UBAP1: variants seen among roughly 807,000 people sequenced by gnomAD.
UBAP1 encodes ubiquitin-associated protein 1.
Under a neutral mutation model 39.0 loss-of-function variants are expected in UBAP1, and 5 were observed. That is an observed-to-expected ratio of 0.13 (90% CI 0.07 to 0.27). The LOEUF (loss-of-function observed/expected upper bound fraction) is 0.27. Ranked by LOEUF, UBAP1 falls within the 10% of genes least tolerant of loss-of-function variation. The probability of loss-of-function intolerance (pLI) is 1.00; values close to 1 mark genes in which losing one functional copy is unlikely to be tolerated. For synonymous variants in UBAP1, 211 were observed against 225.1 expected, an observed-to-expected ratio of 0.94 and a Z score of 0.56; for missense variants, 490 against 608.1, an observed-to-expected ratio of 0.81 and a Z score of 2.04.
In UBAP1 at chr9:34,207,477, C is replaced by G. The variant is rs1423200174; in HGVS notation, c.-7-13431C>G. 2.7e-5 allele frequency among the ~76,000 whole-genome samples: 4 copies of G among 150,356 alleles called. No individual in the cohort carries two copies. In the East Asian group the frequency reaches 7.8e-4, roughly 29 times the overall value. ...ATTTGTATAGCAACTTAGAATTGAT[C>G]TTAATAATGTTGAATATCCCGCTCA... On this transcript the variant is annotated intron_variant, in intron 1 of 6. Coordinates refer to ENST00000297661, the MANE Select transcript of UBAP1 (RefSeq NM_016525.5).
intron 1 of UBAP1, among the ~76,000 whole-genome samples, chr9:34,193,188 G>A (rs1830830548): frequency 6.6e-6 from 1 of 152,044 alleles, no homozygotes; most frequent in Non-Finnish European, 1.5e-5. Flanking sequence ...TATGCACCTA[G>A]AATCCCAGTT....
chr9:34,251,823 T>TC lies in UBAP1; in HGVS notation c.*292dup. The TC allele has an allele frequency of 3.4e-6, 1 of 293,930 alleles. No individual in the cohort carries two copies. Among genetic ancestry groups the TC allele is most frequent in the Non-Finnish European group, 6.5e-6 (1 of 154,242 alleles). The allele number at this position is 293,930 out of a possible 1,614,324, so 18.2% of individuals were successfully genotyped here. A position where few individuals can be genotyped will look rare whatever the true frequency, so the allele number is the denominator to read the frequency against. On this transcript the variant is annotated 3_prime_UTR_variant, in exon 7 of 7. Coordinates refer to ENST00000297661, the MANE Select transcript of UBAP1 (RefSeq NM_016525.5). ...CAGCCCTCCGGAGAGACTACCCTAG[T>TC]CTTTCTGGGGTGTTTATGTCCTCAG...
intron 2 of UBAP1, among the ~76,000 whole-genome samples, chr9:34,221,527 TAA>T (rs34279455): frequency 2.5e-3 from 330 of 131,282 alleles, no homozygotes; most frequent in Non-Finnish European, 3.0e-3. Flanking sequence ...GAGACTCCAT[TAA>T]AAAAAAAAAA....
chr9:34,228,631 G>A (rs1006025299), intron 2 of UBAP1, among the ~76,000 whole-genome samples: 3 of 145,624 alleles, frequency 2.1e-5, no homozygotes, highest in Non-Finnish European at 3.0e-5. Context: ...GTTCAGTGGC[G>A]TGATTTTCGC....
intron 3 of UBAP1, among the ~76,000 whole-genome samples, chr9:34,239,555 G>A (rs1833861741): frequency 6.6e-6 from 1 of 152,216 alleles, no homozygotes; most frequent in Non-Finnish European, 1.5e-5. Flanking sequence ...TGCTTCTAGG[G>A]TCCAGAAAGC....
intron 4 of UBAP1, among the ~76,000 whole-genome samples, chr9:34,248,810 C>G (rs2131633916): frequency 1.3e-5 from 2 of 152,282 alleles, no homozygotes; most frequent in South Asian, 2.1e-4. Context: ...ACCATGCTCC[C>G]TCTCCCCACC....
intron 1 of UBAP1, among the ~76,000 whole-genome samples, chr9:34,194,354 G>T: frequency 6.8e-6 from 1 of 147,686 alleles, no homozygotes; most frequent in African/African-American, 2.5e-5. Context: ...TCGCTCTGTT[G>T]CCCTGGCTGG....
chr9:34,227,890 G>A (rs1833186477), intron 2 of UBAP1, among the ~76,000 whole-genome samples: 1 of 152,188 alleles, frequency 6.6e-6, no homozygotes. Context: ...ACTTTGGGAG[G>A]CTGAGGTGGG....
rs764542110 is a variant in UBAP1, at chr9:34,234,294, T to C, written c.113T>C (p.Ile38Thr). The stretch of plus-strand genomic sequence containing the variant: ...ACACCAGCTAAAGTTGGTCTACCTA[T>C]TGGCTTCTCCTTGCCTGATTGTTTG... ...FKTPAKVGLP[I>T]GFSLPDCLQV... Residue 38 changes from isoleucine to threonine, a missense_variant, in exon 3 of 7, where the codon ATT becomes ACT. Ile to Thr is a moderately conservative substitution (Grantham distance 89). Transcript: ENST00000297661. 1 of 1,613,050 alleles carries C rather than the reference T, an allele frequency of 6.2e-7. No homozygotes were observed. The highest frequency in any genetic ancestry group is 1.1e-5 in the South Asian group (1 of 90,736).
At chr9:34,207,910 T>C (rs1292579916) in intron 1 of UBAP1, among the ~76,000 whole-genome samples, 5 of 152,204 alleles carry the variant, frequency 3.3e-5, no homozygotes, top group Non-Finnish European at 5.9e-5. Flanking sequence ...TGCTTTTTAT[T>C]TCTCCCATCT....
At chr9:34,189,157 C>A (rs1291746996) in intron 1 of UBAP1, among the ~76,000 whole-genome samples, 1 of 151,164 alleles carries the variant, frequency 6.6e-6, no homozygotes, top group African/African-American at 2.4e-5. Context: ...GCAGTAACTT[C>A]CCCATTTCTT....
At chr9:34,209,236 T>G (rs968384373) in intron 1 of UBAP1, among the ~76,000 whole-genome samples, 1 of 152,180 alleles carries the variant, frequency 6.6e-6, no homozygotes, top group Non-Finnish European at 1.5e-5. Flanking sequence ...CCACCACGCC[T>G]GGCCTGACTC....
At chr9:34,206,582 T>A (rs1563897401) in intron 1 of UBAP1, among the ~76,000 whole-genome samples, 2 of 143,904 alleles carry the variant, frequency 1.4e-5, no homozygotes, top group African/African-American at 5.1e-5. Context: ...CATCTTGACT[T>A]AAAAAAAAAA....
At chr9:34,250,819 T>A in intron 6 of UBAP1, 60 bp downstream of exon 6, 4 of 1,452,806 alleles carry the variant, frequency 2.8e-6, no homozygotes, top group Non-Finnish European at 2.9e-6. Flanking sequence ...GTATCCATCC[T>A]GGTTTTCTCC....
At chr9:34,186,877 C>CATGGTTT (rs1187634711) in intron 1 of UBAP1, among the ~76,000 whole-genome samples, 1 of 151,842 alleles carries the variant, frequency 6.6e-6, no homozygotes, top group Non-Finnish European at 1.5e-5. Flanking sequence ...TTCAGTCTTT[C>CATGGTTT]ATGGTTTGTG....
At chr9:34,182,392 C>T (rs1169462719) in intron 1 of UBAP1, among the ~76,000 whole-genome samples, 1 of 151,636 alleles carries the variant, frequency 6.6e-6, no homozygotes, top group Non-Finnish European at 1.5e-5. Context: ...ACAACGTTGG[C>T]CAGGCTGGTC....
At chr9:34,187,965 A>C (rs1830497991) in intron 1 of UBAP1, among the ~76,000 whole-genome samples, 1 of 151,984 alleles carries the variant, frequency 6.6e-6, no homozygotes, top group Non-Finnish European at 1.5e-5. Flanking sequence ...GTTGTGTATT[A>C]AAGCTGCTAA....
chr9:34,193,978 G>T (rs1433026111), intron 1 of UBAP1, among the ~76,000 whole-genome samples: 5 of 152,134 alleles, frequency 3.3e-5, no homozygotes, highest in African/African-American at 1.2e-4. Context: ...AAGAGGTTTT[G>T]TTTCCTGAGA....
chr9:34,218,251 A>C (rs1403425671), intron 1 of UBAP1, among the ~76,000 whole-genome samples: 1 of 4,852 alleles, frequency 2.1e-4, no homozygotes, highest in African/African-American at 5.1e-4. Flanking sequence ...ACTCCATCTC[A>C]AAAAAAAAAA....
Sources: gnomAD v4.1 joint callset for allele counts (sites outside exome capture counted in the v4.1 genomes callset) on GRCh38, gnomAD v4.1.1 for gene constraint, MANE v1.5 for transcripts, NCBI Gene and HGNC (gene_info 2026-07-23, HGNC 2026-07-21) for gene names.